Variants in DNER observed in about 807,000 individuals in gnomAD.
DNER encodes the protein delta and Notch-like epidermal growth factor-related receptor.
Under a neutral mutation model 78.2 loss-of-function variants are expected in DNER, and 33 were observed. The ratio of observed to expected loss-of-function variants is 0.42; its 90% CI spans 0.32 to 0.56. The LOEUF is 0.56. Among genes scored for constraint, DNER ranks in the 20% least tolerant of loss-of-function variants. DNER has a pLI of 0.11. For synonymous variants in DNER, 417 were observed against 384.8 expected, an observed-to-expected ratio of 1.08 and a Z score of -0.98; for missense variants, 918 against 975.3, an observed-to-expected ratio of 0.94 and a Z score of 0.78.
chr2:229,517,968 A>G (rs1696014143), intron 5 of DNER, among the ~76,000 whole-genome samples: 1 of 152,204 alleles, frequency 6.6e-6, no homozygotes, highest in Non-Finnish European at 1.5e-5. Context: ...AGACCTGAAA[A>G]TGCATTGCAC....
intron 8 of DNER, among the ~76,000 whole-genome samples, chr2:229,431,029 T>C (rs1288131358): frequency 6.6e-6 from 1 of 152,138 alleles, no homozygotes; most frequent in Non-Finnish European, 1.5e-5. Context: ...AATTGTTTTT[T>C]AAAAGAAGAA....
At chr2:229,576,619 T>C (rs2160545) in intron 4 of DNER, among the ~76,000 whole-genome samples, 125,370 of 152,140 alleles carry the variant, frequency 0.82, 52,281 homozygotes, top group Non-Finnish European at 0.89. Context: ...TAATTAAACA[T>C]ATAAAATCAT....
intron 12 of DNER, among the ~76,000 whole-genome samples, chr2:229,362,768 C>CAGTT (rs1286841296): frequency 3.9e-5 from 6 of 152,194 alleles, no homozygotes; most frequent in Non-Finnish European, 7.3e-5. Flanking sequence ...CCAGTAATAT[C>CAGTT]AGTTAGCACG....
chr2:229,601,476 T>C (rs1697825870), intron 1 of DNER, among the ~76,000 whole-genome samples: 1 of 152,206 alleles, frequency 6.6e-6, no homozygotes, highest in South Asian at 2.1e-4. Context: ...GAAATACACA[T>C]TCCATGTTTT....
At chr2:229,523,463 C>T (rs1350630718) in intron 5 of DNER, among the ~76,000 whole-genome samples, 1 of 152,176 alleles carries the variant, frequency 6.6e-6, no homozygotes, top group African/African-American at 2.4e-5. Flanking sequence ...CGTGTCTTCA[C>T]ACAGTCTTTA....
chr2:229,572,466 A>C (rs1305539811), intron 4 of DNER, among the ~76,000 whole-genome samples: 2 of 152,328 alleles, frequency 1.3e-5, no homozygotes, highest in Admixed American at 6.5e-5. Context: ...GAAAGGGAGA[A>C]AGGCCAGCTT....
At chr2:229,438,914 G>T (rs1694179204) in intron 8 of DNER, among the ~76,000 whole-genome samples, 1 of 152,070 alleles carries the variant, frequency 6.6e-6, no homozygotes, top group Non-Finnish European at 1.5e-5. Context: ...GTGAGTCAAG[G>T]CCACTTTTGA....
chr2:229,437,046 G>C (rs1301621702), intron 8 of DNER, among the ~76,000 whole-genome samples: 1 of 152,200 alleles, frequency 6.6e-6, no homozygotes, highest in Non-Finnish European at 1.5e-5. Flanking sequence ...CTATCTTTGA[G>C]AGACCCATCT....
At chr2:229,487,629 T>C (rs771541235) in intron 6 of DNER, among the ~76,000 whole-genome samples, 54 of 152,204 alleles carry the variant, frequency 3.5e-4, no homozygotes, top group Non-Finnish European at 7.1e-4. Flanking sequence ...TTTATATAAC[T>C]ATATTTATTA....
intron 8 of DNER, among the ~76,000 whole-genome samples, chr2:229,440,461 C>T (rs1473152304): frequency 3.9e-5 from 6 of 152,132 alleles, no homozygotes; most frequent in African/African-American, 9.7e-5. Context: ...ACTGCTGGCT[C>T]CTCTGCCCTC....
intron 5 of DNER, among the ~76,000 whole-genome samples, chr2:229,520,186 G>T (rs1245196683): frequency 6.6e-6 from 1 of 152,218 alleles, no homozygotes; most frequent in African/African-American, 2.4e-5. Context: ...TCTTGCGGGA[G>T]AGTTCTGCAC....
At chr2:229,572,580 A>C (rs1697235304) in intron 4 of DNER, among the ~76,000 whole-genome samples, 4 of 152,174 alleles carry the variant, frequency 2.6e-5, no homozygotes, top group African/African-American at 9.6e-5. Context: ...CATATAAAGC[A>C]CTGTGCTAAA....
chr2:229,389,225 C>T (rs868663678), intron 10 of DNER, among the ~76,000 whole-genome samples: 1 of 152,016 alleles, frequency 6.6e-6, no homozygotes, highest in African/African-American at 2.4e-5. Flanking sequence ...GACACCTTTG[C>T]GTGCTTCAGA....
Position 229,358,585 on chromosome 2 carries a change from A to G in DNER, c.2169T>C (p.Pro723=), listed in dbSNP as rs1215652735. The G allele has an allele frequency of 6.2e-7, 1 of 1,613,862 alleles. No homozygotes were observed. Among genetic ancestry groups the G allele is most frequent in the South Asian group, 1.1e-5 (1 of 91,000 alleles). ...TCAGTGTGACCAAGGGTTTGTCATC[A>G]GGACTGTAATCTTCATAGGCGATGG... The part of the protein sequence containing the change: ...VSPIAYEDYS[P]DDKPLVTLIK... The change falls in exon 13 of 13, where the codon CCT becomes CCC. Residue 723 remains proline, a synonymous_variant. Coordinates refer to ENST00000341772, the MANE Select transcript of DNER (RefSeq NM_139072.4).
intron 5 of DNER, among the ~76,000 whole-genome samples, chr2:229,533,112 G>A (rs1469155803): frequency 6.6e-6 from 1 of 152,124 alleles, no homozygotes; most frequent in Non-Finnish European, 1.5e-5. Context: ...AGCGAGAAAA[G>A]GCTGAATTAT....
At chr2:229,489,753 C>T (rs1695357493) in intron 6 of DNER, among the ~76,000 whole-genome samples, 1 of 152,080 alleles carries the variant, frequency 6.6e-6, no homozygotes, top group Non-Finnish European at 1.5e-5. Context: ...CTCAGGAGAG[C>T]AGGCACAGTG....
intron 1 of DNER, among the ~76,000 whole-genome samples, chr2:229,701,178 A>G (rs1699741098): frequency 6.6e-6 from 1 of 152,244 alleles, no homozygotes; most frequent in Non-Finnish European, 1.5e-5. Flanking sequence ...TGCGTTTATA[A>G]TGCCTTAGCA....
intron 11 of DNER, among the ~76,000 whole-genome samples, chr2:229,377,994 T>C (rs1026571848): frequency 2.6e-5 from 4 of 152,256 alleles, no homozygotes; most frequent in African/African-American, 7.2e-5. Flanking sequence ...AGAAGAGTCC[T>C]AATAAGTGAA....
At chr2:229,542,936 T>G (rs1009625496) in intron 5 of DNER, among the ~76,000 whole-genome samples, 2 of 151,896 alleles carry the variant, frequency 1.3e-5, no homozygotes, top group African/African-American at 4.8e-5. Context: ...TTGCTTAGAG[T>G]CACTGAGGGG....
Sources: allele counts gnomAD v4.1 joint callset (sites outside exome capture counted in the v4.1 genomes callset), GRCh38; gene constraint gnomAD v4.1.1; transcripts MANE v1.5; gene names NCBI Gene and HGNC (gene_info 2026-07-23, HGNC 2026-07-21).